The following PACSIN2 variants were observed in gnomAD, a reference collection of about 807,000 sequenced individuals.
PACSIN2 encodes the protein protein kinase C and casein kinase substrate in neurons 2, also known as protein kinase C and casein kinase substrate in neurons protein 2.
PACSIN2 carries 25 observed loss-of-function variants against 63.8 expected under a neutral mutation model. The ratio of observed to expected loss-of-function variants is 0.39; its 90% CI spans 0.29 to 0.55. The LOEUF is 0.55. Among genes scored for constraint, PACSIN2 ranks in the 20% least tolerant of loss-of-function variants. The probability of loss-of-function intolerance (pLI) is 0.62; values close to 1 mark genes in which losing one functional copy is unlikely to be tolerated. For synonymous variants in PACSIN2, 255 were observed against 256.2 expected, an observed-to-expected ratio of 1.00 and a Z score of 0.05; for missense variants, 518 against 646.9, an observed-to-expected ratio of 0.80 and a Z score of 2.16.
intron 1 of PACSIN2, among the ~76,000 whole-genome samples, chr22:42,925,348 C>T (rs1041000429): frequency 6.6e-6 from 1 of 151,926 alleles, no homozygotes; most frequent in Non-Finnish European, 1.5e-5. Context: ...TGTGTGGTGG[C>T]GCATGCCTGT....
chr22:42,896,273 TTGAGACTGGCTTC>T (rs778789934), intron 2 of PACSIN2, among the ~76,000 whole-genome samples: 1 of 152,202 alleles, frequency 6.6e-6, no homozygotes, highest in Non-Finnish European at 1.5e-5. Context: ...AGCCTGGCTT[TTGAGACTGGCTTC>T]TGTCACCCAC....
chr22:43,000,128 G>A lies in PACSIN2; in HGVS notation c.-78+14893C>T, dbSNP rs371459196. Among the ~76,000 whole-genome samples the A allele has an allele frequency of 1.5e-3, 223 of 152,310 alleles. 6 individuals carry two copies. In the South Asian group the frequency reaches 0.045, roughly 31 times the overall value. ...CAACAGCTCACTGCAGGCACTTGTA[G>A]CCCCAATGGACGGGGCCGGCCCAAG... On this transcript the variant is annotated intron_variant, in intron 1 of 10. Coordinates refer to ENST00000263246, the MANE Select transcript of PACSIN2 (RefSeq NM_001184970.3).
chr22:42,994,914 T>C (rs1569362666), intron 1 of PACSIN2, among the ~76,000 whole-genome samples: 3 of 151,978 alleles, frequency 2.0e-5, no homozygotes, highest in African/African-American at 7.2e-5. Flanking sequence ...GCAATCCCCA[T>C]CCCACCCCAA....
chr22:42,889,214 A>ACGCACATGGAT (rs1929716689), intron 4 of PACSIN2, among the ~76,000 whole-genome samples: 1 of 152,024 alleles, frequency 6.6e-6, no homozygotes, highest in African/African-American at 2.4e-5. Flanking sequence ...CGCACATGGA[A>ACGCACATGGAT]CACGCACATG....
intron 8 of PACSIN2, among the ~76,000 whole-genome samples, chr22:42,877,897 G>A (rs1602167861): frequency 6.6e-6 from 1 of 152,312 alleles, no homozygotes; most frequent in African/African-American, 2.4e-5. Context: ...CTCAGCCTGA[G>A]CACCCACCAC....
chr22:42,872,374 C>T (rs763544195), intron 10 of PACSIN2, among the ~76,000 whole-genome samples: 4 of 152,224 alleles, frequency 2.6e-5, no homozygotes, highest in Non-Finnish European at 5.9e-5. Context: ...CCTGCTGGCT[C>T]GGACCTCGTC....
intron 1 of PACSIN2, among the ~76,000 whole-genome samples, chr22:42,940,096 G>GC (rs1359086634): frequency 1.4e-4 from 21 of 152,294 alleles, no homozygotes; most frequent in African/African-American, 4.6e-4. Flanking sequence ...AAGGCTGTAG[G>GC]CAGGAGCGGG....
rs541463560 is a variant in PACSIN2 at position 42,897,558 on chromosome 22, T to C, written c.61-3945A>G. Among the ~76,000 whole-genome samples, 185 of 152,350 alleles carry C rather than the reference T, an allele frequency of 1.2e-3. 1 individual carries two copies. Among genetic ancestry groups the C allele is most frequent in the African/African-American group, 4.3e-3 (179 of 41,570 alleles). On this transcript the variant is annotated intron_variant, in intron 2 of 10. Transcript: ENST00000263246. The stretch of plus-strand genomic sequence containing the variant: ...TGAACCAGGTATGAAGCTATGTTCC[T>C]AACTTCCTCTAAATTCAGGCTCACT...
intron 1 of PACSIN2, among the ~76,000 whole-genome samples, chr22:43,014,321 T>TCCTC (rs1555951518): frequency 7.7e-6 from 1 of 130,450 alleles, no homozygotes; most frequent in Non-Finnish European, 1.7e-5. Flanking sequence ...CCCCCCGCCC[T>TCCTC]ACACACACAC....
Position 42,879,243 on chromosome 22 carries a change from T to G in PACSIN2, c.907-74A>C, listed in dbSNP as rs1928892526. ...GGAAGCCACGTCTGTCCTCAGTTCC[T>G]GCCCAGCGAGCCTGCAGTTGGCTCT... On this transcript the variant is annotated intron_variant, in intron 7 of 10. Transcript: ENST00000263246. 7 of 1,529,274 alleles carry G rather than the reference T, an allele frequency of 4.6e-6. No homozygotes were observed. The Admixed American group carries it at 1.1e-4, about 24-fold the overall frequency. The allele number at this position is 1,529,274 out of a possible 1,614,324, so 94.7% of individuals were successfully genotyped here.
intron 1 of PACSIN2, among the ~76,000 whole-genome samples, chr22:42,963,929 T>A (rs989484487): frequency 4.4e-5 from 4 of 90,618 alleles, no homozygotes; most frequent in Non-Finnish European, 8.5e-5. Flanking sequence ...TATTGAGATA[T>A]AATTCACGTC....
Position 42,942,023 on chromosome 22 carries a change from C to T in PACSIN2, c.-77-29866G>A, listed in dbSNP as rs552525378. ...AACTCTTGACCTCAGGTGATCTGCC[C>T]GCCTCTGCCTCCCAAAGTGCTGGGA... On this transcript the variant is annotated intron_variant, in intron 1 of 10. Coordinates refer to ENST00000263246, the MANE Select transcript of PACSIN2 (RefSeq NM_001184970.3). Among the ~76,000 whole-genome samples, 85 of 152,032 alleles carry T rather than the reference C, an allele frequency of 5.6e-4. 1 individual carries two copies. The highest frequency in any genetic ancestry group is 1.2e-3 in the Admixed American group (18 of 15,258).
chr22:42,907,685 C>T (rs566367699), intron 2 of PACSIN2, among the ~76,000 whole-genome samples: 1 of 152,286 alleles, frequency 6.6e-6, no homozygotes, highest in Non-Finnish European at 1.5e-5. Context: ...TCGCTCGCTT[C>T]GTGCTTGCGC....
At chr22:42,905,530 C>G (rs748233327) in intron 2 of PACSIN2, among the ~76,000 whole-genome samples, 19 of 152,264 alleles carry the variant, frequency 1.2e-4, no homozygotes, top group Non-Finnish European at 2.5e-4. Flanking sequence ...CACAGAACAG[C>G]AGCAGGCCAT....
At chr22:42,999,251 T>G (rs1297828341) in intron 1 of PACSIN2, among the ~76,000 whole-genome samples, 1 of 152,208 alleles carries the variant, frequency 6.6e-6, no homozygotes, top group Non-Finnish European at 1.5e-5. Flanking sequence ...CTCCTGTAAG[T>G]GGTTTAAGCA....
intron 1 of PACSIN2, among the ~76,000 whole-genome samples, chr22:43,011,396 C>T (rs1049060609): frequency 2.0e-5 from 3 of 152,194 alleles, no homozygotes; most frequent in Admixed American, 6.5e-5. Flanking sequence ...AAAGCAGGCC[C>T]GAGTCAGCTG....
chr22:42,889,992 C>G lies in PACSIN2; in HGVS notation c.453+955G>C, dbSNP rs147557254. Reference sequence around the variant, plus strand: ...AAGAAAGGCTACTGCACACGCAGAGCAGCCAAAGGGACTTTTTTTTTTTTT... The same window carrying G: ...AAGAAAGGCTACTGCACACGCAGAGGAGCCAAAGGGACTTTTTTTTTTTTT... On this transcript the variant is annotated intron_variant, in intron 4 of 10. Transcript: ENST00000263246. 6.6e-4 allele frequency among the ~76,000 whole-genome samples: 97 copies of G among 146,232 alleles called. 2 individuals are homozygous for G. The East Asian group carries it at 0.017, about 26-fold the overall frequency.
intron 5 of PACSIN2, among the ~76,000 whole-genome samples, chr22:42,884,849 C>T (rs768910828): frequency 5.3e-5 from 8 of 152,242 alleles, no homozygotes; most frequent in Non-Finnish European, 1.0e-4. Flanking sequence ...GCGTGCCACA[C>T]GCCCATGTCC....
intron 5 of PACSIN2, among the ~76,000 whole-genome samples, chr22:42,885,288 C>T (rs1352417093): frequency 2.0e-5 from 3 of 152,196 alleles, no homozygotes; most frequent in African/African-American, 7.2e-5. Context: ...CTGGTACACA[C>T]TTCCCCGCAC....
Sources: gnomAD v4.1 joint callset for allele counts (sites outside exome capture counted in the v4.1 genomes callset) on GRCh38, gnomAD v4.1.1 for gene constraint, MANE v1.5 for transcripts, NCBI Gene and HGNC (gene_info 2026-07-23, HGNC 2026-07-21) for gene names.